PACSIN2: variants seen among roughly 807,000 people sequenced by gnomAD.
The protein encoded by PACSIN2 is protein kinase C and casein kinase substrate in neurons 2.
Under a neutral mutation model 63.8 loss-of-function variants are expected in PACSIN2, and 25 were observed. That is an observed-to-expected ratio of 0.39 (90% CI 0.29 to 0.55). PACSIN2 has a LOEUF of 0.55. Among genes scored for constraint, PACSIN2 ranks in the 20% least tolerant of loss-of-function variants. The pLI, the probability that PACSIN2 is intolerant of heterozygous loss-of-function variation, is 0.62. For missense variants in PACSIN2, 518 were observed against 646.9 expected (o/e 0.80, Z 2.16); for synonymous variants, 255 against 256.2 (o/e 1.00, Z 0.05).
chr22:43,009,277 A>AT (rs750486546), intron 1 of PACSIN2, among the ~76,000 whole-genome samples: 1 of 152,198 alleles, frequency 6.6e-6, no homozygotes, highest in Non-Finnish European at 1.5e-5. Context: ...ACAGGAAGGA[A>AT]TATCTATTGC....
chr22:42,939,297 T>C (rs1481886797), intron 1 of PACSIN2, among the ~76,000 whole-genome samples: 1 of 152,206 alleles, frequency 6.6e-6, no homozygotes, highest in Non-Finnish European at 1.5e-5. Context: ...AGATGGAGGC[T>C]GAACACTTCC....
chr22:42,967,796 G>A (rs1394711821), intron 1 of PACSIN2, among the ~76,000 whole-genome samples: 1 of 152,190 alleles, frequency 6.6e-6, no homozygotes. Context: ...GCTGAGGCAG[G>A]AGAATGGCAT....
At chr22:42,971,375 G>A (rs553870962) in intron 1 of PACSIN2, among the ~76,000 whole-genome samples, 102 of 152,274 alleles carry the variant, frequency 6.7e-4, no homozygotes, top group African/African-American at 2.3e-3. Flanking sequence ...ACGGAGTCTC[G>A]CTCACTCAGT....
chr22:43,014,807 A>C, intron 1 of PACSIN2, among the ~76,000 whole-genome samples: 1 of 144,242 alleles, frequency 6.9e-6, no homozygotes. Context: ...GTCCTCCCCA[A>C]GATGTCTTCT....
At chr22:42,980,835 TACAACC>T (rs1345783737) in intron 1 of PACSIN2, among the ~76,000 whole-genome samples, 1 of 68,740 alleles carries the variant, frequency 1.5e-5, no homozygotes, top group East Asian at 4.4e-4. Context: ...CTCGGCTCGC[TACAACC>T]ACCTCCCAGC....
chr22:42,987,311 G>T (rs942617499), intron 1 of PACSIN2, among the ~76,000 whole-genome samples: 1 of 151,908 alleles, frequency 6.6e-6, no homozygotes, highest in African/African-American at 2.4e-5. Context: ...TATATGGGCT[G>T]CTTAGCTTCC....
chr22:42,993,100 G>A (rs549932425), intron 1 of PACSIN2, among the ~76,000 whole-genome samples: 1 of 152,182 alleles, frequency 6.6e-6, no homozygotes, highest in South Asian at 2.1e-4. Context: ...CTTCAACCCG[G>A]GAGGCGGAGG....
chr22:42,904,672 C>T (rs977631440), intron 2 of PACSIN2, among the ~76,000 whole-genome samples: 2 of 151,924 alleles, frequency 1.3e-5, no homozygotes, highest in African/African-American at 4.8e-5. Flanking sequence ...GGAAGCCTCC[C>T]CACCTCCTTC....
At chr22:42,910,470 G>A (rs561850916) in intron 2 of PACSIN2, among the ~76,000 whole-genome samples, 18 of 152,312 alleles carry the variant, frequency 1.2e-4, no homozygotes, top group East Asian at 5.8e-4. Context: ...GCCAGCCAGC[G>A]GGACCTGATT....
Position 42,909,700 on chromosome 22 carries a change from C to G in PACSIN2, c.60+2321G>C, listed in dbSNP as rs577454584. ...AACAGGGAGCATAAGAGCTTAATTA[C>G]TGGACTTGTTAAAGCTAGTTGATTT... is the stretch of plus-strand genomic sequence containing the variant. On this transcript the variant is annotated intron_variant, in intron 2 of 10. Coordinates refer to ENST00000263246, the MANE Select transcript of PACSIN2 (RefSeq NM_001184970.3). The G allele has an allele frequency of 6.7e-4, 277 of 411,314 alleles. 1 individual carries two copies. Among genetic ancestry groups the G allele is most frequent in the Non-Finnish European group, 1.3e-3 (253 of 196,842 alleles). 25.5% of individuals were successfully genotyped at this position (411,314 alleles called of 1,614,324 possible). A position where few individuals can be genotyped will look rare whatever the true frequency, so the allele number is the denominator to read the frequency against.
At chr22:42,884,264 G>A (rs1348236364) in intron 6 of PACSIN2, 122 bp downstream of exon 6, 1 of 817,902 alleles carries the variant, frequency 1.2e-6, no homozygotes. Context: ...GGCCCTGAGG[G>A]CGGTGAGGAG....
At chr22:42,915,200 C>T (rs1931732434) in intron 1 of PACSIN2, among the ~76,000 whole-genome samples, 1 of 152,112 alleles carries the variant, frequency 6.6e-6, no homozygotes, top group Non-Finnish European at 1.5e-5. Flanking sequence ...TGCCAGGAGC[C>T]AAGGAGAGGC....
At chr22:42,915,463 C>G (rs1011161614) in intron 1 of PACSIN2, among the ~76,000 whole-genome samples, 2 of 152,176 alleles carry the variant, frequency 1.3e-5, no homozygotes, top group Non-Finnish European at 2.9e-5. Flanking sequence ...CACTCAGCAA[C>G]AGTGACATCC....
intron 2 of PACSIN2, among the ~76,000 whole-genome samples, chr22:42,905,421 C>T (rs1254660079): frequency 2.6e-5 from 4 of 152,246 alleles, no homozygotes; most frequent in African/African-American, 4.8e-5. Context: ...TGTCCTGTGA[C>T]CTCAGACAAA....
chr22:42,926,419 T>C (rs916320183), intron 1 of PACSIN2, among the ~76,000 whole-genome samples: 18 of 152,160 alleles, frequency 1.2e-4, no homozygotes, highest in African/African-American at 4.1e-4. Context: ...CAACTCATTG[T>C]TGCTATAGAA....
At chr22:42,956,966 G>A (rs560614383) in intron 1 of PACSIN2, among the ~76,000 whole-genome samples, 143 of 152,250 alleles carry the variant, frequency 9.4e-4, no homozygotes, top group Non-Finnish European at 1.7e-3. Flanking sequence ...GAAGCCGATT[G>A]GAATATTCTA....
At chr22:42,960,776 T>C (rs943367551) in intron 1 of PACSIN2, among the ~76,000 whole-genome samples, 2 of 152,198 alleles carry the variant, frequency 1.3e-5, no homozygotes, top group East Asian at 1.9e-4. Flanking sequence ...AAACTGGCTA[T>C]GGGTGTGCTG....
chr22:42,871,078 G>C lies in PACSIN2; in HGVS notation c.*279C>G. 2.2e-6 allele frequency: 1 copy of C among 456,754 alleles called. No individual in the cohort carries two copies. Among genetic ancestry groups the C allele is most frequent in the East Asian group, 3.8e-5 (1 of 26,644 alleles). 28.3% of individuals were successfully genotyped at this position (456,754 alleles called of 1,614,324 possible). On this transcript the variant is annotated 3_prime_UTR_variant, in exon 11 of 11. Transcript: ENST00000263246. The surrounding 1 kb of genome is among the most constrained non-coding windows in gnomAD (Gnocchi z 5.4). Reference sequence around the variant, plus strand: ...ACTCGGAAAGGAGAGACAAAGTCAAGAACATAGAGATCTATGATAGGCCAA... The same window carrying C: ...ACTCGGAAAGGAGAGACAAAGTCAACAACATAGAGATCTATGATAGGCCAA...
chr22:42,999,599 C>T (rs191697644), intron 1 of PACSIN2, among the ~76,000 whole-genome samples: 30 of 152,210 alleles, frequency 2.0e-4, no homozygotes, highest in Non-Finnish European at 3.5e-4. Flanking sequence ...ACCCGGGACG[C>T]GGAGGTTGCC....
Sources: allele counts gnomAD v4.1 joint callset (sites outside exome capture counted in the v4.1 genomes callset), GRCh38; gene constraint gnomAD v4.1.1; non-coding constraint Gnocchi (gnomAD v3.1); transcripts MANE v1.5; gene names NCBI Gene and HGNC (gene_info 2026-07-23, HGNC 2026-07-21).